PTCSC3: variants seen among roughly 807,000 people sequenced by gnomAD.
The protein encoded by PTCSC3 is papillary thyroid carcinoma susceptibility candidate 3.
chr14:36,136,456 G>A (rs1015152944), intron 3 of PTCSC3: 11 of 152,228 alleles, frequency 7.2e-5, no homozygotes, highest in Admixed American at 5.9e-4. Context: ...TTGTAACATT[G>A]CTTATCTAGG....
rs529925905 is a variant in PTCSC3 at position 36,171,453 on chromosome 14, C to T, written n.171+4845G>A. On this transcript the variant is annotated intron_variant and non_coding_transcript_variant, in intron 1 of 3. Coordinates refer to ENST00000556013, the Ensembl canonical transcript of PTCSC3. ...ACTGAAATCTGAATGTCATTATTCT[C>T]CCATACGCTGTATGAGGAAGAAAAA... Among the ~76,000 whole-genome samples the T allele has an allele frequency of 5.9e-5, 9 of 152,234 alleles. No individual in the cohort carries two copies. The South Asian group carries it at 1.9e-3, about 32-fold the overall frequency.
intron 3 of PTCSC3, among the ~76,000 whole-genome samples, chr14:36,148,852 T>C (rs1312805842): frequency 6.6e-6 from 1 of 152,110 alleles, no homozygotes; most frequent in African/African-American, 2.4e-5. Flanking sequence ...TTATTGGCCA[T>C]GGGGTCAGTA....
At chr14:36,155,156 T>C (rs1422265648) in intron 2 of PTCSC3, among the ~76,000 whole-genome samples, 2 of 152,316 alleles carry the variant, frequency 1.3e-5, no homozygotes, top group South Asian at 2.1e-4. Context: ...AATTACCTCA[T>C]TATTAAAGAT....
intron 3 of PTCSC3, among the ~76,000 whole-genome samples, chr14:36,150,246 T>G (rs1191425060): frequency 1.3e-5 from 2 of 152,174 alleles, no homozygotes; most frequent in African/African-American, 4.8e-5. Flanking sequence ...GGTGGGACTT[T>G]TGGAAGGTTG....
chr14:36,143,190 G>C (rs1171507333), intron 3 of PTCSC3, among the ~76,000 whole-genome samples: 2 of 148,454 alleles, frequency 1.3e-5, no homozygotes, highest in East Asian at 4.0e-4. Context: ...GGATGGCTGG[G>C]TCAAATGGTA....
chr14:36,137,050 A>G (rs1303842007), intron 3 of PTCSC3, among the ~76,000 whole-genome samples: 1 of 146,932 alleles, frequency 6.8e-6, no homozygotes, highest in Admixed American at 6.8e-5. Context: ...TGTAAGTGTT[A>G]TAGAAAAAAA....
At chr14:36,142,664 T>TA (rs953528772) in intron 3 of PTCSC3, among the ~76,000 whole-genome samples, 2 of 152,012 alleles carry the variant, frequency 1.3e-5, no homozygotes, top group African/African-American at 4.8e-5. Flanking sequence ...CTTTTTTTTT[T>TA]TTATTATTAT....
chr14:36,150,676 T>C (rs1050198771), intron 3 of PTCSC3, among the ~76,000 whole-genome samples: 2 of 152,182 alleles, frequency 1.3e-5, no homozygotes, highest in Non-Finnish European at 1.5e-5. Context: ...TTCCCTCCTT[T>C]CTTAGAAATC....
At chr14:36,170,712 C>T (rs1259146535) in intron 1 of PTCSC3, among the ~76,000 whole-genome samples, 1 of 152,072 alleles carries the variant, frequency 6.6e-6, no homozygotes, top group African/African-American at 2.4e-5. Context: ...ATTTTTTTAA[C>T]ACCAAGTTGC....
At chr14:36,158,737 G>A (rs1881883053) in intron 2 of PTCSC3, among the ~76,000 whole-genome samples, 1 of 152,196 alleles carries the variant, frequency 6.6e-6, no homozygotes, top group Non-Finnish European at 1.5e-5. Context: ...GTCTCTGCCA[G>A]GTTTTGGTAT....
chr14:36,174,688 A>G (rs1882251201), intron 1 of PTCSC3, among the ~76,000 whole-genome samples: 2 of 152,084 alleles, frequency 1.3e-5, no homozygotes, highest in Non-Finnish European at 2.9e-5. Flanking sequence ...TGTTTTCAAG[A>G]TCTTCTAACC....
chr14:36,139,139 AAG>A (rs1555330350), intron 3 of PTCSC3, among the ~76,000 whole-genome samples: 2 of 143,048 alleles, frequency 1.4e-5, no homozygotes, highest in Non-Finnish European at 3.1e-5. Context: ...AAAAAAAAAA[AAG>A]AAATGCATAT....
At chr14:36,169,891 G>A (rs539893620) in intron 1 of PTCSC3, among the ~76,000 whole-genome samples, 2 of 152,156 alleles carry the variant, frequency 1.3e-5, no homozygotes, top group South Asian at 4.1e-4. Context: ...AAAGGAAAGC[G>A]GATGAATTAG....
intron 3 of PTCSC3, among the ~76,000 whole-genome samples, chr14:36,144,020 A>C (rs1016325368): frequency 3.4e-3 from 520 of 152,004 alleles, no homozygotes; most frequent in Non-Finnish European, 4.4e-3. Flanking sequence ...TGATCTATAT[A>C]TCTGTTTTGG....
intron 1 of PTCSC3, among the ~76,000 whole-genome samples, chr14:36,174,357 T>G (rs1404013206): frequency 6.6e-6 from 1 of 152,188 alleles, no homozygotes; most frequent in East Asian, 1.9e-4. Context: ...TTAGGCTCAA[T>G]TTTTATTTCA....
At chr14:36,153,801 C>T (rs1481530191) in intron 3 of PTCSC3, 8 of 152,174 alleles carry the variant, frequency 5.3e-5, no homozygotes, top group Admixed American at 5.2e-4. Context: ...CATGGTGCCT[C>T]ACCTGTAATT....
intron 1 of PTCSC3, among the ~76,000 whole-genome samples, chr14:36,163,018 G>C (rs746907170): frequency 4.6e-5 from 7 of 151,662 alleles, no homozygotes; most frequent in Non-Finnish European, 1.5e-5. Flanking sequence ...AGCTGCTTAA[G>C]AACTGAAAAA....
chr14:36,142,065 T>C (rs1178998471), intron 3 of PTCSC3, among the ~76,000 whole-genome samples: 2 of 152,228 alleles, frequency 1.3e-5, no homozygotes, highest in East Asian at 3.8e-4. Context: ...TAATGTTGAA[T>C]AGGTGTGGTG....
chr14:36,146,730 G>A (rs371252325), intron 3 of PTCSC3, among the ~76,000 whole-genome samples: 1,035 of 107,020 alleles, frequency 9.7e-3, no homozygotes, highest in Non-Finnish European at 0.014. Context: ...TACTTTGCTC[G>A]TTAGTTGATG....
Sources: gnomAD v4.1 joint callset for allele counts (sites outside exome capture counted in the v4.1 genomes callset) on GRCh38, gnomAD v4.1.1 for gene constraint, MANE v1.5 for transcripts, NCBI Gene and HGNC (gene_info 2026-07-23, HGNC 2026-07-21) for gene names.